The following MYT1L variants were observed in gnomAD, a reference collection of about 807,000 sequenced individuals.
MYT1L encodes myelin transcription factor 1 like.
In MYT1L, 12 loss-of-function variants were observed where a neutral mutation model predicts 126.7. The observed-to-expected ratio is 0.09, with a 90% CI of 0.06 to 0.15. The LOEUF (loss-of-function observed/expected upper bound fraction) is 0.15, where lower values mean the gene tolerates loss of function less well. Among genes scored for constraint, MYT1L ranks in the 10% least tolerant of loss-of-function variants. The pLI, the probability that MYT1L is intolerant of heterozygous loss-of-function variation, is 1.00. For missense variants in MYT1L, 979 were observed against 1,585.2 expected, an observed-to-expected ratio of 0.62 and a Z score of 6.49; for synonymous variants, 541 against 604.2, an observed-to-expected ratio of 0.90 and a Z score of 1.53.
At chr2:2,065,314 T>C (rs59946527) in intron 3 of MYT1L, among the ~76,000 whole-genome samples, 8,902 of 152,232 alleles carry the variant, frequency 0.058, 317 homozygotes, top group East Asian at 0.21. Context: ...AAAATAATTA[T>C]AATACCCCAA....
At chr2:2,183,813 AG>A (rs1352022971) in intron 2 of MYT1L, among the ~76,000 whole-genome samples, 12 of 146,934 alleles carry the variant, frequency 8.2e-5, no homozygotes, top group African/African-American at 2.8e-4. Context: ...GGAAGGAAGG[AG>A]AGAGACAAAG....
At position 2,241,562 on chromosome 2, in the gene MYT1L, A is replaced by T. The variant is rs559964602; in HGVS notation, c.-421+42842T>A. On this transcript the variant is annotated intron_variant, in intron 2 of 24. Transcript: ENST00000647738. ...ACGTTGCTTTTATTTATAGGAACAC[A>T]TAAGACTCATAAGGTAGCAGATACA... is the stretch of plus-strand genomic sequence containing the variant. Among the ~76,000 whole-genome samples, 7 of 152,330 alleles carry T rather than the reference A, an allele frequency of 4.6e-5. No individual in the cohort carries two copies. The East Asian group carries it at 1.2e-3, about 25-fold the overall frequency.
At chr2:1,983,233 T>C (rs1366918239) in intron 5 of MYT1L, among the ~76,000 whole-genome samples, 1 of 152,166 alleles carries the variant, frequency 6.6e-6, no homozygotes, top group Non-Finnish European at 1.5e-5. Flanking sequence ...ACAGTGTGTT[T>C]TCCTCTGCTG....
intron 2 of MYT1L, among the ~76,000 whole-genome samples, chr2:2,220,437 A>C (rs1439753105): frequency 6.6e-6 from 1 of 152,126 alleles, no homozygotes; most frequent in African/African-American, 2.4e-5. Context: ...GGTTAAGATA[A>C]AAGATTGTGG....
At position 2,234,864 on chromosome 2, in the gene MYT1L, A is replaced by G. The variant is rs11127370; in HGVS notation, c.-421+49540T>C. On this transcript the variant is annotated intron_variant, in intron 2 of 24. Transcript: ENST00000647738. ...GCACTGTGTTCATATGTTGAAATAG[A>G]TGAGTGCTCAGGCCTCACTGCACTC... Among the ~76,000 whole-genome samples the G allele has an allele frequency of 0.014, 2,104 of 152,262 alleles. 105 individuals carry two copies. In the East Asian group the frequency reaches 0.15, roughly 11 times the overall value.
intron 13 of MYT1L, among the ~76,000 whole-genome samples, chr2:1,904,327 A>G (rs1007707907): frequency 2.0e-5 from 3 of 152,116 alleles, no homozygotes; most frequent in South Asian, 4.2e-4. Context: ...GACACTGAAG[A>G]GCTGGTCAGG....
chr2:2,252,702 G>C (rs56157453), intron 2 of MYT1L, among the ~76,000 whole-genome samples: 2,479 of 152,238 alleles, frequency 0.016, 68 homozygotes, highest in African/African-American at 0.057. Context: ...CACCACCAAA[G>C]ACCACATCTC....
At chr2:2,284,882 T>G (rs913749708) in intron 1 of MYT1L, among the ~76,000 whole-genome samples, 3 of 151,926 alleles carry the variant, frequency 2.0e-5, no homozygotes, top group Non-Finnish European at 4.4e-5. Context: ...TTTTTATATT[T>G]TAGTAGAGAT....
At chr2:1,863,836 A>G (rs1234042529) in intron 18 of MYT1L, among the ~76,000 whole-genome samples, 2 of 152,370 alleles carry the variant, frequency 1.3e-5, no homozygotes, top group Non-Finnish European at 2.9e-5. Flanking sequence ...AGTAGATGTT[A>G]TAAGGCAGAA....
intron 8 of MYT1L, among the ~76,000 whole-genome samples, chr2:1,950,704 T>A (rs1319774923): frequency 6.6e-6 from 1 of 152,102 alleles, no homozygotes. Flanking sequence ...CAGGAGGTGG[T>A]CAGAGGCTGG....
chr2:2,151,953 G>GCTACAGGTGCCTGTAATCCCA (rs2085866736), intron 3 of MYT1L, among the ~76,000 whole-genome samples: 1 of 152,212 alleles, frequency 6.6e-6, no homozygotes, highest in Non-Finnish European at 1.5e-5. Context: ...CTACTGGGGA[G>GCTACAGGTGCCTGTAATCCCA]GCTGAGGCAG....
Position 1,809,080 on chromosome 2 carries a change from G to T in MYT1L, c.3168C>A (p.Ser1056Arg). The T allele has an allele frequency of 7.4e-6, 12 of 1,613,866 alleles. No individual in the cohort carries two copies. Among genetic ancestry groups the T allele is most frequent in the Non-Finnish European group, 1.0e-5 (12 of 1,179,882 alleles). Residue 1056 changes from serine (S) to arginine (R), a missense_variant, in exon 22 of 25, where the codon AGC becomes AGA. Ser to Arg is a moderately radical substitution (Grantham distance 110). Around this residue, in one of 12 missense-constraint regions of MYT1L, gnomAD observed 179 missense variants for 398.6 expected, o/e 0.45. Transcript: ENST00000647738. ...GAGGGCTGGAGGGGTGCTCACCGTT[G>T]CTGGCCCGCTGTTTGATGGTCAGCA... ...EQMLTIKQRA[S>R]NGIENDEEIK...
At chr2:1,895,243 A>C (rs2049426250) in intron 14 of MYT1L, among the ~76,000 whole-genome samples, 1 of 152,258 alleles carries the variant, frequency 6.6e-6, no homozygotes, top group South Asian at 2.1e-4. Context: ...CATGTTCATG[A>C]ATTGGAAGAA....
intron 3 of MYT1L, among the ~76,000 whole-genome samples, chr2:2,103,357 G>A (rs1396143599): frequency 1.3e-5 from 2 of 152,266 alleles, no homozygotes; most frequent in African/African-American, 2.4e-5. Flanking sequence ...TGTGCAGCAG[G>A]ACCACCATGA....
rs114364892 is a variant in MYT1L at position 1,808,767 on chromosome 2, T to C, written c.3172+309A>G. Among the ~76,000 whole-genome samples the C allele has an allele frequency of 5.5e-3, 830 of 152,258 alleles. 11 individuals carry two copies. The highest frequency in any genetic ancestry group is 0.019 in the African/African-American group (809 of 41,552). Reference sequence around the variant, plus strand: ...GGTGGAGAAACCCTGGATGAGGGCCTGAGGGACACAGGCAGAAATGTGGGC... The same window carrying C: ...GGTGGAGAAACCCTGGATGAGGGCCCGAGGGACACAGGCAGAAATGTGGGC... On this transcript the variant is annotated intron_variant, in intron 22 of 24. Coordinates refer to ENST00000647738, the MANE Select transcript of MYT1L (RefSeq NM_001303052.2).
intron 3 of MYT1L, among the ~76,000 whole-genome samples, chr2:2,073,850 A>G (rs1477602106): frequency 6.6e-6 from 1 of 152,128 alleles, no homozygotes; most frequent in Non-Finnish European, 1.5e-5. Flanking sequence ...AAGGCCGCCT[A>G]ACTTTCTCCC....
intron 8 of MYT1L, among the ~76,000 whole-genome samples, chr2:1,959,459 G>A (rs1335084846): frequency 6.6e-6 from 1 of 152,178 alleles, no homozygotes; most frequent in East Asian, 1.9e-4. Context: ...GTACATCTGG[G>A]CACTCAGAGA....
chr2:1,859,932 T>G lies in MYT1L; in HGVS notation c.2712-8229A>C, dbSNP rs139188372. Among the ~76,000 whole-genome samples the G allele has an allele frequency of 5.9e-5, 9 of 152,370 alleles. No homozygotes were observed. In the East Asian group the frequency reaches 1.7e-3, roughly 29 times the overall value. ...TCCTGGGCTTGTTTTCTGGGGATTC[T>G]CTCGCTGCGGTTTGGCTGTTTGGGG... On this transcript the variant is annotated intron_variant, in intron 18 of 24. Coordinates refer to ENST00000647738, the MANE Select transcript of MYT1L (RefSeq NM_001303052.2).
chr2:1,851,894 C>T lies in MYT1L; in HGVS notation c.2712-191G>A, dbSNP rs34447675. Reference sequence around the variant, plus strand: ...ACCACACACACACCTTCCAGAGCACCGGGAGCTTCGTGGCTGCTCCGCTCC... The same window carrying T: ...ACCACACACACACCTTCCAGAGCACTGGGAGCTTCGTGGCTGCTCCGCTCC... On this transcript the variant is annotated intron_variant, in intron 18 of 24. Transcript: ENST00000647738. Among the ~76,000 whole-genome samples the T allele has an allele frequency of 0.075, 11,482 of 152,162 alleles. 463 individuals carry two copies. The highest frequency in any genetic ancestry group is 0.14 in the South Asian group (679 of 4,810).
Sources: allele counts gnomAD v4.1 joint callset (sites outside exome capture counted in the v4.1 genomes callset), GRCh38; gene constraint gnomAD v4.1.1; regional missense constraint gnomAD v4.1.1; transcripts MANE v1.5; gene names NCBI Gene and HGNC (gene_info 2026-07-23, HGNC 2026-07-21).